FANCA: variants seen among roughly 807,000 people sequenced by gnomAD.
FANCA encodes Fanconi anemia group A protein.
In FANCA, 236 loss-of-function variants were observed where a neutral mutation model predicts 194.3. The ratio of observed to expected loss-of-function variants is 1.21; its 90% CI spans 1.09 to 1.35. FANCA has a LOEUF of 1.35. Among genes scored for constraint, FANCA ranks in the 40% most tolerant of loss-of-function variants. The pLI is 0.00. For synonymous variants in FANCA, 1,014 were observed against 715.8 expected, an observed-to-expected ratio of 1.42 and a Z score of -6.65; for missense variants, 2,628 against 1,813.9, an observed-to-expected ratio of 1.45 and a Z score of -8.15.
At chr16:89,782,174 G>C (rs1252356978) in intron 17 of FANCA, among the ~76,000 whole-genome samples, 2 of 151,342 alleles carry the variant, frequency 1.3e-5, no homozygotes, top group South Asian at 2.1e-4. Context: ...AAGAGATCGA[G>C]ATCATCCTGG....
At chr16:89,757,117 AGGCACACACTACCAT>A (rs1175157325) in intron 30 of FANCA, among the ~76,000 whole-genome samples, 2 of 151,888 alleles carry the variant, frequency 1.3e-5, no homozygotes, top group Non-Finnish European at 2.9e-5. Flanking sequence ...CTGGGACCAT[AGGCACACACTACCAT>A]GCCTGGCTAA....
chr16:89,803,929 C>T (rs1041946046), intron 7 of FANCA, among the ~76,000 whole-genome samples: 1 of 152,050 alleles, frequency 6.6e-6, no homozygotes, highest in East Asian at 1.9e-4. Flanking sequence ...CAATTTTTTT[C>T]TCTTAAATAA....
intron 20 of FANCA, chr16:89,778,326 C>T (rs778892787): frequency 1.2e-5 from 4 of 343,226 alleles, no homozygotes; most frequent in South Asian, 6.4e-5. Flanking sequence ...ATTAGCAGGG[C>T]GTGGTGGTGC....
rs1270214199 is a variant in FANCA, at chr16:89,746,713, G to C, written c.3409-25C>G. The stretch of plus-strand genomic sequence containing the variant: ...CCTGCAGGAGAGAACGCAGCAGGAG[G>C]TCAGCGGTTTGTGAGGACCCACAAC... On this transcript the variant is annotated intron_variant, in intron 34 of 42. Coordinates refer to ENST00000389301, the MANE Select transcript of FANCA (RefSeq NM_000135.4). 6 of 1,611,190 alleles carry C rather than the reference G, an allele frequency of 3.7e-6. No individual in the cohort carries two copies. The African/African-American group carries it at 8.0e-5, about 22-fold the overall frequency.
At chr16:89,761,158 G>A (rs970668843) in intron 29 of FANCA, among the ~76,000 whole-genome samples, 11 of 152,192 alleles carry the variant, frequency 7.2e-5, no homozygotes, top group African/African-American at 2.2e-4. Context: ...GGTGGCTCAC[G>A]CCTGTAATGC....
In FANCA at chr16:89,811,051, C is replaced by G; in HGVS notation, c.304G>C (p.Ala102Pro). Residue 102 changes from alanine to proline, a missense_variant, in exon 4 of 43, where the codon GCC becomes CCC. Ala to Pro is a conservative substitution (Grantham distance 27, BLOSUM62 -1). Transcript: ENST00000389301. The stretch of plus-strand genomic sequence containing the variant: ...CCCACGGGAACCCCCAGCCTTGAGG[C>G]TTGATCCTGCAAAGCAGAGCCTTAA... ...SFIGSALQDQASRLGVPVGIL... is the reference protein window; with the variant it reads ...SFIGSALQDQPSRLGVPVGIL... 6.2e-7 allele frequency: 1 copy of G among 1,614,026 alleles called. No homozygotes were observed. The highest frequency in any genetic ancestry group is 8.5e-7 in the Non-Finnish European group (1 of 1,180,038).
In FANCA at chr16:89,763,336, C is replaced by T. The variant is rs1345089726; in HGVS notation, c.2779-1314G>A. On this transcript the variant is annotated intron_variant, in intron 28 of 42. Coordinates refer to ENST00000389301, the MANE Select transcript of FANCA (RefSeq NM_000135.4). ...CACACTTGCAATCTCAACATATTGG[C>T]AGGCCAAAGCAGAAGGATCACTTTT... Among the ~76,000 whole-genome samples the T allele has an allele frequency of 2.6e-5, 4 of 151,980 alleles. No homozygotes were observed. In the East Asian group the frequency reaches 5.8e-4, roughly 22 times the overall value.
In FANCA at chr16:89,737,713, C is replaced by A; in HGVS notation, c.*888G>T. 1 of 1,592,224 alleles carries A rather than the reference C, an allele frequency of 6.3e-7. No individual in the cohort carries two copies. The highest frequency in any genetic ancestry group is 8.6e-7 in the Non-Finnish European group (1 of 1,166,450). On this transcript the variant is annotated 3_prime_UTR_variant, in exon 43 of 43. Transcript: ENST00000389301. Reference sequence around the variant, plus strand: ...CATGGTGAACCATGTGCAGAAATGTCTTCCCAGCTGTGATGGTTTCACATT... The same window carrying A: ...CATGGTGAACCATGTGCAGAAATGTATTCCCAGCTGTGATGGTTTCACATT...
chr16:89,792,449 G>A, intron 12 of FANCA, 22 bp downstream of exon 12: 2 of 1,610,288 alleles, frequency 1.2e-6, no homozygotes, highest in Non-Finnish European at 1.7e-6. Context: ...TCAGAAGCAG[G>A]TATAATACCA....
chr16:89,744,195 CCTCTT>C (rs1388551447), intron 36 of FANCA, among the ~76,000 whole-genome samples: 4 of 152,158 alleles, frequency 2.6e-5, no homozygotes, highest in Non-Finnish European at 4.4e-5. Flanking sequence ...GCGCCGGGGC[CCTCTT>C]CTCTTCTTTC....
intron 6 of FANCA, among the ~76,000 whole-genome samples, chr16:89,806,989 C>CA (rs2040679382): frequency 1.3e-5 from 2 of 152,126 alleles, no homozygotes; most frequent in Non-Finnish European, 2.9e-5. Flanking sequence ...CTGACTCCCC[C>CA]ACCTCCCTCC....
In FANCA at chr16:89,814,662, G is replaced by A. The variant is rs2041031610; in HGVS notation, c.190-49C>T. On this transcript the variant is annotated intron_variant, in intron 2 of 42. Coordinates refer to ENST00000389301, the MANE Select transcript of FANCA (RefSeq NM_000135.4). The stretch of plus-strand genomic sequence containing the variant: ...TCCATTTAAAAAATTCAAGCTCCAG[G>A]CCAGGCGTAGTGGCTCACGCCTGTA... The A allele has an allele frequency of 2.2e-6, 3 of 1,393,034 alleles. No individual in the cohort carries two copies. The East Asian group carries it at 6.9e-5, about 32-fold the overall frequency. The allele number at this position is 1,393,034 out of a possible 1,614,324, so 86.3% of individuals were successfully genotyped here.
At chr16:89,769,793 T>C in intron 26 of FANCA, 44 bp downstream of exon 26, 1 of 1,604,888 alleles carries the variant, frequency 6.2e-7, no homozygotes, top group Non-Finnish European at 8.5e-7. Flanking sequence ...GTGTCACTTT[T>C]CGAGAGAGAG....
At position 89,792,020 on chromosome 16, in the gene FANCA, CT is replaced by C. The variant is rs1166075893; in HGVS notation, c.1131del (p.Val378PhefsTer37). On this transcript the variant is annotated frameshift_variant, in exon 13 of 43. Coordinates refer to ENST00000389301, the MANE Select transcript of FANCA (RefSeq NM_000135.4). LOFTEE classifies it high-confidence loss of function. ...SAEELVGHLQ[E>X]VLETQEVHWQ... is the part of the protein sequence containing the mutation. ...CAGTGAACCTCCTGCGTTTCCAGAA[CT>C]TCTTGCAAATGGCCAACCAACTCCT... 6.2e-7 allele frequency: 1 copy of C among 1,614,226 alleles called. No individual in the cohort carries two copies. The highest frequency in any genetic ancestry group is 1.1e-5 in the South Asian group (1 of 91,088).
chr16:89,778,709 T>G, intron 20 of FANCA, 92 bp downstream of exon 20: 1 of 1,141,162 alleles, frequency 8.8e-7, no homozygotes, highest in Non-Finnish European at 1.3e-6. Context: ...ACAATAGTGG[T>G]CTAACAAATT....
intron 37 of FANCA, 95 bp from the exon 38 acceptor site, chr16:89,740,961 T>C: frequency 8.9e-7 from 1 of 1,128,864 alleles, no homozygotes; most frequent in Non-Finnish European, 1.3e-6. Context: ...TGAAATTTTT[T>C]ACATCTAGGC....
At position 89,767,152 on chromosome 16, in the gene FANCA, G is replaced by T; in HGVS notation, c.2590C>A (p.Leu864Ile). 6.2e-7 allele frequency: 1 copy of T among 1,611,330 alleles called. No homozygotes were observed. The highest frequency in any genetic ancestry group is 2.2e-5 in the East Asian group (1 of 44,860). The change falls in exon 27 of 43, where the codon CTT (leucine) becomes ATT (isoleucine). Residue 864 changes from leucine to isoleucine, a missense_variant. By Grantham distance (5) the Leu-to-Ile change is conservative. Transcript: ENST00000389301. The part of the protein sequence containing the change: ...DTLCSCLSPG[L>I]IKKFQFLMFR... Reference sequence around the variant, plus strand: ...AAGAGTGAACCTACCTTTTTAATAAGGCCTGGAGATAAGCAGCTGCACAAA... The same window carrying T: ...AAGAGTGAACCTACCTTTTTAATAATGCCTGGAGATAAGCAGCTGCACAAA...
At chr16:89,798,299 G>A (rs1324163766) in intron 10 of FANCA, 12 of 993,530 alleles carry the variant, frequency 1.2e-5, no homozygotes, top group African/African-American at 8.7e-5. Context: ...CGTCCACACC[G>A]CAGTCTCTGG....
At chr16:89,812,810 C>T (rs1359881724) in intron 3 of FANCA, among the ~76,000 whole-genome samples, 3 of 150,516 alleles carry the variant, frequency 2.0e-5, no homozygotes, top group African/African-American at 7.3e-5. Flanking sequence ...CGAGGCGGGT[C>T]GATCACGAGG....
Sources: allele counts gnomAD v4.1 joint callset (sites outside exome capture counted in the v4.1 genomes callset), GRCh38; gene constraint gnomAD v4.1.1; transcripts MANE v1.5; gene names NCBI Gene and HGNC (gene_info 2026-07-23, HGNC 2026-07-21).